Variants in IGFN1 observed in about 807,000 individuals in gnomAD.
IGFN1 encodes the protein immunoglobulin like and fibronectin type III domain containing 1, also known as immunoglobulin-like and fibronectin type III domain-containing protein 1.
IGFN1 carries 253 observed loss-of-function variants against 289.5 expected under a neutral mutation model. The ratio of observed to expected loss-of-function variants is 0.87; its 90% CI spans 0.79 to 0.97. IGFN1 has a LOEUF of 0.97. IGFN1 is among the 50% of genes least tolerant of loss of function. The probability of loss-of-function intolerance (pLI) is 0.00; values close to 1 mark genes in which losing one functional copy is unlikely to be tolerated. For synonymous variants in IGFN1, 1,706 were observed against 1,788.5 expected, an observed-to-expected ratio of 0.95 and a Z score of 1.16; for missense variants, 4,470 against 4,686.1, an observed-to-expected ratio of 0.95 and a Z score of 1.35.
chr1:201,207,195 G>C lies in IGFN1; in HGVS notation c.2302G>C (p.Gly768Arg). The change falls in exon 12 of 24, where the codon GGA (glycine) becomes CGA (arginine). Residue 768 changes from glycine to arginine, a missense_variant. This residue lies in a region of IGFN1 where 2,011 missense variants were observed against 1,953.4 expected (regional missense o/e 1.03). Transcript: ENST00000335211. ...ATGCCGGGGGGAGTCTGTAGTTACAGGAAGTGCCTACAAAACTGGCCCTGG... is the reference window on the plus strand; with the variant it reads ...ATGCCGGGGGGAGTCTGTAGTTACACGAAGTGCCTACAAAACTGGCCCTGG... ...GICRGESVVT[G>R]SAYKTGPGGP... 6.5e-7 allele frequency: 1 copy of C among 1,536,924 alleles called. No homozygotes were observed. The highest frequency in any genetic ancestry group is 1.4e-5 in the African/African-American group (1 of 73,126).
intron 15 of IGFN1, 188 bp downstream of exon 15, chr1:201,216,026 A>C (rs1259489837): frequency 1.4e-6 from 1 of 737,270 alleles, no homozygotes; most frequent in Non-Finnish European, 2.5e-6. Flanking sequence ...AGATGAACAC[A>C]GTGCTGGGCT....
rs1667767376 is a variant in IGFN1 at position 201,211,247 on chromosome 1, A to G, written c.6354A>G (p.Ser2118=). Residue 2118 remains serine (S), a synonymous_variant, in exon 12 of 24, where the codon TCA becomes TCG. Coordinates refer to ENST00000335211, the MANE Select transcript of IGFN1 (RefSeq NM_001164586.2). ...TGGGGGCTCCTGAGGGAATAGGTTCAGGAAGTAAGGCAGGTTTTAGGGATG... is the reference window on the plus strand; with the variant it reads ...TGGGGGCTCCTGAGGGAATAGGTTCGGGAAGTAAGGCAGGTTTTAGGGATG... ...KDLGAPEGIG[S]GSKAGFRDGL... 1 of 1,532,948 alleles carries G rather than the reference A, an allele frequency of 6.5e-7. No homozygotes were observed. The highest frequency in any genetic ancestry group is 1.4e-5 in the African/African-American group (1 of 72,242). 95.0% of individuals were successfully genotyped at this position (1,532,948 alleles called of 1,614,324 possible).
In IGFN1 at chr1:201,196,628, A is replaced by G. The variant is rs139359554; in HGVS notation, c.268-590A>G. Among the ~76,000 whole-genome samples, 365 of 152,252 alleles carry G rather than the reference A, an allele frequency of 2.4e-3. 5 individuals are homozygous for G. The highest frequency in any genetic ancestry group is 8.4e-3 in the African/African-American group (348 of 41,544). ...CCAAAGTGCTGGGATTACAGACATG[A>G]GCCACTGCGCCTGGCCAGGAGTTGT... is the stretch of plus-strand genomic sequence containing the variant. On this transcript the variant is annotated intron_variant, in intron 4 of 23. Transcript: ENST00000335211.
rs186809478 is a variant in IGFN1, at chr1:201,195,067, C to T, written c.128-772C>T. ...GCCTGTGTCTCAGCACCGGATCCTT[C>T]GGGCACCAAATAGTCACTCCTTCTC... On this transcript the variant is annotated intron_variant, in intron 3 of 23. Coordinates refer to ENST00000335211, the MANE Select transcript of IGFN1 (RefSeq NM_001164586.2). Among the ~76,000 whole-genome samples, 787 of 152,116 alleles carry T rather than the reference C, an allele frequency of 5.2e-3. 5 individuals are homozygous for T. The highest frequency in any genetic ancestry group is 9.2e-3 in the Admixed American group (141 of 15,286).
chr1:201,218,295 G>A (rs1482732828), intron 17 of IGFN1, among the ~76,000 whole-genome samples: 1 of 152,228 alleles, frequency 6.6e-6, no homozygotes, highest in African/African-American at 2.4e-5. Context: ...TAAGGTACTT[G>A]CCCAAGAACA....
Position 201,209,911 on chromosome 1 carries a change from G to T in IGFN1, c.5018G>T (p.Gly1673Val). Residue 1673 changes from glycine to valine, a missense_variant, in exon 12 of 24, where the codon GGT (glycine) becomes GTT (valine). Physicochemically the swap from Gly to Val is moderately radical, Grantham distance 109. Transcript: ENST00000335211. Reference protein sequence around the residue: ...SGEMGSMDEAGYRKNLGAPEG... With the variant: ...SGEMGSMDEAVYRKNLGAPEG... ...GAAATGGGGTCAATGGATGAGGCAG[G>T]TTATAGGAAGAATTTGGGGGCTCCT... The T allele has an allele frequency of 6.8e-7, 1 of 1,465,900 alleles. No individual in the cohort carries two copies. The highest frequency in any genetic ancestry group is 9.1e-7 in the Non-Finnish European group (1 of 1,094,384). 90.8% of individuals were successfully genotyped at this position (1,465,900 alleles called of 1,614,324 possible). A position where few individuals can be genotyped will look rare whatever the true frequency, so the allele number is the denominator to read the frequency against.
At chr1:201,224,014 C>T (rs147492267) in intron 20 of IGFN1, among the ~76,000 whole-genome samples, 137 of 152,296 alleles carry the variant, frequency 9.0e-4, no homozygotes, top group Non-Finnish European at 1.6e-3. Context: ...TTATTATTAA[C>T]GCCTTAAATT....
At position 201,209,020 on chromosome 1, in the gene IGFN1, C is replaced by T. The variant is rs1222040343; in HGVS notation, c.4127C>T (p.Thr1376Ile). The T allele has an allele frequency of 6.5e-7, 1 of 1,535,912 alleles. No individual in the cohort carries two copies. Among genetic ancestry groups the T allele is most frequent in the Non-Finnish European group, 8.7e-7 (1 of 1,146,626 alleles). The change falls in exon 12 of 24, where the codon ACA becomes ATA. Residue 1376 changes from threonine to isoleucine, a missense_variant. This residue lies in a region of IGFN1 where 2,011 missense variants were observed against 1,953.4 expected (regional missense o/e 1.03). Transcript: ENST00000335211. ...AGGGAAATCGGGTCAATGGATGAAA[C>T]AGATAATAGGAAAGATTTGGGGGTT... ...GSREIGSMDE[T>I]DNRKDLGVPE... is the part of the protein sequence containing the mutation.
chr1:201,223,573 G>A (rs978110762), intron 20 of IGFN1, among the ~76,000 whole-genome samples: 2 of 152,134 alleles, frequency 1.3e-5, no homozygotes, highest in African/African-American at 4.8e-5. Context: ...GTTTCGCCGT[G>A]TTGGCCAGGC....
chr1:201,193,804 G>A (rs1415718289), intron 2 of IGFN1, among the ~76,000 whole-genome samples: 1 of 152,076 alleles, frequency 6.6e-6, no homozygotes, highest in African/African-American at 2.4e-5. Context: ...AGTAAGGAGT[G>A]CAAAGCCCCC....
At chr1:201,215,267 C>T in intron 14 of IGFN1, 113 bp downstream of exon 14, 1 of 1,152,470 alleles carries the variant, frequency 8.7e-7, no homozygotes, top group Non-Finnish European at 1.2e-6. Context: ...CAGCCAGTAT[C>T]TAATCTCATC....
At chr1:201,195,472 C>G (rs533229508) in intron 3 of IGFN1, among the ~76,000 whole-genome samples, 2 of 152,158 alleles carry the variant, frequency 1.3e-5, no homozygotes, top group Non-Finnish European at 2.9e-5. Context: ...AAATCTCATT[C>G]CCTTCCTAGT....
At chr1:201,199,294 G>A in intron 5 of IGFN1, 40 bp from the exon 6 acceptor site, 1 of 1,537,784 alleles carries the variant, frequency 6.5e-7, no homozygotes, top group Non-Finnish European at 8.8e-7. Flanking sequence ...CTCCCTGCTT[G>A]TCCACATCGA....
chr1:201,215,678 G>C lies in IGFN1; in HGVS notation c.9135G>C (p.Glu3045Asp). ...IQAAWRKDGAEVVGSSDREAQ... is the reference protein window; with the variant it reads ...IQAAWRKDGADVVGSSDREAQ... ...CTGCCTGGAGGAAGGACGGGGCTGA[G>C]GTGGTGGGCAGCAGTGACAGGGAGG... Residue 3045 changes from glutamate to aspartate, a missense_variant, in exon 15 of 24, where the codon GAG becomes GAC. Coordinates refer to ENST00000335211, the MANE Select transcript of IGFN1 (RefSeq NM_001164586.2). 1 of 1,614,014 alleles carries C rather than the reference G, an allele frequency of 6.2e-7. No homozygotes were observed. The highest frequency in any genetic ancestry group is 8.5e-7 in the Non-Finnish European group (1 of 1,179,996).
chr1:201,217,559 G>A (rs116212735), intron 17 of IGFN1, 99 bp downstream of exon 17: 60 of 1,289,870 alleles, frequency 4.7e-5, no homozygotes, highest in Middle Eastern at 2.0e-4. Context: ...AGTCGTTCTC[G>A]TCTAGGGTGG....
At chr1:201,191,235 G>A (rs944725138) in intron 1 of IGFN1, among the ~76,000 whole-genome samples, 15 of 152,274 alleles carry the variant, frequency 9.9e-5, no homozygotes, top group East Asian at 1.9e-4. Context: ...TAAGGACCTC[G>A]GGCTGGGACT....
At chr1:201,197,386 G>T (rs1318677048) in intron 5 of IGFN1, 69 bp downstream of exon 5, 4 of 963,472 alleles carry the variant, frequency 4.2e-6, no homozygotes, top group Non-Finnish European at 6.4e-6. Flanking sequence ...CAGATGCCCC[G>T]TGGCTAGTGA....
chr1:201,226,544 T>G lies in IGFN1; in HGVS notation c.10787-338T>G, dbSNP rs184462495. On this transcript the variant is annotated intron_variant, in intron 22 of 23. Coordinates refer to ENST00000335211, the MANE Select transcript of IGFN1 (RefSeq NM_001164586.2). ...AAATCAAGGTTTCATTTTCATAAAA[T>G]ACAAAAATTTCAGGAAAGCTCTACA... 1.4e-4 allele frequency among the ~76,000 whole-genome samples: 22 copies of G among 152,204 alleles called. 1 individual carries two copies. The highest frequency in any genetic ancestry group is 4.3e-4 in the African/African-American group (18 of 41,500).
Position 201,227,058 on chromosome 1 carries a change from G to A in IGFN1, c.10963G>A (p.Glu3655Lys). Residue 3655 changes from glutamate (E) to lysine (K), a missense_variant, in exon 23 of 24, where the codon GAA (glutamate) becomes AAA (lysine). Transcript: ENST00000335211. Reference protein sequence around the residue: ...VTWFKNDRSLEGNPAVYSTDL... With the variant: ...VTWFKNDRSLKGNPAVYSTDL... ...CTGGTTCAAGAATGACCGCAGCCTG[G>A]AAGGAAACCCCGCGGTGTACAGCAC... The A allele has an allele frequency of 5.6e-6, 9 of 1,613,662 alleles. No homozygotes were observed. The highest frequency in any genetic ancestry group is 7.6e-6 in the Non-Finnish European group (9 of 1,180,014).
Sources: gnomAD v4.1 joint callset for allele counts (sites outside exome capture counted in the v4.1 genomes callset) on GRCh38, gnomAD v4.1.1 for gene constraint, gnomAD v4.1.1 regional missense constraint, MANE v1.5 for transcripts, NCBI Gene and HGNC (gene_info 2026-07-23, HGNC 2026-07-21) for gene names.